PCDHGC3: variants seen among roughly 807,000 people sequenced by gnomAD.
PCDHGC3 encodes the protein protocadherin gamma-C3.
In PCDHGC3, 26 loss-of-function variants were observed where a neutral mutation model predicts 59.2. The ratio of observed to expected loss-of-function variants is 0.44; its 90% CI spans 0.32 to 0.61. The LOEUF (loss-of-function observed/expected upper bound fraction) is 0.61, where lower values mean the gene tolerates loss of function less well. PCDHGC3 is among the 20% of genes least tolerant of loss of function. The probability of loss-of-function intolerance (pLI) is 0.05; values close to 1 mark genes in which losing one functional copy is unlikely to be tolerated. For missense variants in PCDHGC3, 1,080 were observed against 1,221.8 expected (o/e 0.88, Z 1.73); for synonymous variants, 487 against 519.7 (o/e 0.94, Z 0.86).
chr5:141,497,812 T>C (rs947015544), intron 2 of PCDHGC3, among the ~76,000 whole-genome samples: 2 of 152,202 alleles, frequency 1.3e-5, no homozygotes, highest in African/African-American at 4.8e-5. Flanking sequence ...AGTGCTAGAA[T>C]TACAGGTGTG....
chr5:141,487,670 T>A lies in PCDHGC3; in HGVS notation c.2431-7137T>A. The A allele has an allele frequency of 6.2e-7, 1 of 1,612,302 alleles. No homozygotes were observed. Among genetic ancestry groups the A allele is most frequent in the Non-Finnish European group, 8.5e-7 (1 of 1,179,082 alleles). ...TGAGGGTTATTCTGATCCAGGCATA[T>A]GGCTAGGCCATGTCCTAGAGAGTAC... On this transcript the variant is annotated intron_variant, in intron 1 of 3. Transcript: ENST00000308177. This position sits in a 1 kb window ranked among gnomAD's most constrained non-coding sequence, Gnocchi z 5.0.
chr5:141,505,155 C>T (rs2099844224), intron 2 of PCDHGC3, among the ~76,000 whole-genome samples: 1 of 152,162 alleles, frequency 6.6e-6, no homozygotes, highest in Non-Finnish European at 1.5e-5. Context: ...GAGTAAGACC[C>T]TGTCTAAAAC....
At chr5:141,508,029 A>C (rs941166006) in intron 3 of PCDHGC3, 10 of 152,264 alleles carry the variant, frequency 6.6e-5, no homozygotes, top group African/African-American at 2.4e-4. Flanking sequence ...TGCGGTTTGC[A>C]GCTCAGCCAG....
Position 141,478,247 on chromosome 5 carries a change from G to T in PCDHGC3, c.2131G>T (p.Gly711Ter). ...VSVGFVVTVF[G>*]VIIFKVYKWK... is the part of the protein sequence containing the mutation. ...TGTGGGGTTTGTGGTCACAGTGTTC[G>T]GAGTAATCATATTCAAAGTTTACAA... The change falls in exon 1 of 4, where the codon GGA becomes TGA. Residue 711 changes from glycine (G) to a stop codon, truncating the protein, a stop_gained. Transcript: ENST00000308177. LOFTEE classifies it high-confidence loss of function. 6.2e-7 allele frequency: 1 copy of T among 1,614,076 alleles called. No individual in the cohort carries two copies. Among genetic ancestry groups the T allele is most frequent in the Non-Finnish European group, 8.5e-7 (1 of 1,180,010 alleles).
chr5:141,502,470 G>A (rs1017558920), intron 2 of PCDHGC3, among the ~76,000 whole-genome samples: 5 of 150,916 alleles, frequency 3.3e-5, no homozygotes, highest in Admixed American at 2.6e-4. Flanking sequence ...AATACTTCCC[G>A]CAGCATCACA....
intron 1 of PCDHGC3, among the ~76,000 whole-genome samples, chr5:141,480,959 C>A (rs1476891394): frequency 1.3e-5 from 2 of 152,086 alleles, no homozygotes; most frequent in East Asian, 3.8e-4. Flanking sequence ...GCGGAAGCAT[C>A]AGTGAGGGAG....
At chr5:141,480,497 A>G (rs909585240) in intron 1 of PCDHGC3, among the ~76,000 whole-genome samples, 6 of 152,236 alleles carry the variant, frequency 3.9e-5, no homozygotes, top group Non-Finnish European at 8.8e-5. Flanking sequence ...CCTTAGAAAT[A>G]CACATATGAG....
intron 3 of PCDHGC3, 99 bp from the exon 4 acceptor site, chr5:141,510,848 G>A: frequency 6.3e-7 from 1 of 1,596,080 alleles, no homozygotes. Flanking sequence ...TCAAGGCCCA[G>A]GGTGCTGTAT....
intron 1 of PCDHGC3, among the ~76,000 whole-genome samples, chr5:141,492,165 C>T (rs932762928): frequency 1.4e-4 from 22 of 152,210 alleles, no homozygotes; most frequent in African/African-American, 4.8e-4. Context: ...TCCCTATCCC[C>T]GCATCACCCA....
chr5:141,487,633 T>C lies in PCDHGC3; in HGVS notation c.2431-7174T>C. On this transcript the variant is annotated intron_variant, in intron 1 of 3. Transcript: ENST00000308177. The surrounding 1 kb of genome is among the most constrained non-coding windows in gnomAD (Gnocchi z 5.0). ...GGCTAGAGGTGAGACCTTTGCAGGCTCAACAAATGCTTGAGGGTTATTCTG... is the reference window on the plus strand; with the variant it reads ...GGCTAGAGGTGAGACCTTTGCAGGCCCAACAAATGCTTGAGGGTTATTCTG... 3 of 1,614,164 alleles carry C rather than the reference T, an allele frequency of 1.9e-6. No individual in the cohort carries two copies. The highest frequency in any genetic ancestry group is 2.7e-5 in the African/African-American group (2 of 75,052).
At chr5:141,488,565 C>T (rs1308485284) in intron 1 of PCDHGC3, among the ~76,000 whole-genome samples, 1 of 152,174 alleles carries the variant, frequency 6.6e-6, no homozygotes, top group Non-Finnish European at 1.5e-5. Flanking sequence ...GAGATTTCCG[C>T]AAAGCATTGC....
chr5:141,477,794 C>G lies in PCDHGC3; in HGVS notation c.1678C>G (p.Arg560Gly), dbSNP rs148942362. The G allele has an allele frequency of 6.2e-7, 1 of 1,614,086 alleles. No individual in the cohort carries two copies. The highest frequency in any genetic ancestry group is 1.1e-5 in the South Asian group (1 of 91,082). The change falls in exon 1 of 4, where the codon CGC becomes GGC. Residue 560 changes from arginine to glycine, a missense_variant. By Grantham distance (125) the Arg-to-Gly change is moderately radical. Transcript: ENST00000308177. This position sits in a 1 kb window ranked among gnomAD's most constrained non-coding sequence, Gnocchi z 4.9. ...CAGCGTGAACATATTTGTCACTGAT[C>G]GCAATGACAATGCCCCCCAGGTCCT... ...NISVNIFVTD[R>G]NDNAPQVLYP...
rs1449605701 is a variant in PCDHGC3 at position 141,485,191 on chromosome 5, A to C, written c.2430+6645A>C. ...CGGCAGCAATGCTCCGCAAGGTGAG[A>C]AGCTGGACAGAAATCTGGCGGTGGG... is the stretch of plus-strand genomic sequence containing the variant. On this transcript the variant is annotated intron_variant, in intron 1 of 3. Coordinates refer to ENST00000308177, the MANE Select transcript of PCDHGC3 (RefSeq NM_002588.4). This position sits in a 1 kb window ranked among gnomAD's most constrained non-coding sequence, Gnocchi z 5.7. The C allele has an allele frequency of 6.2e-7, 1 of 1,613,836 alleles. No individual in the cohort carries two copies. The highest frequency in any genetic ancestry group is 1.3e-5 in the African/African-American group (1 of 75,042).
intron 1 of PCDHGC3, among the ~76,000 whole-genome samples, chr5:141,483,613 C>A (rs2099583607): frequency 6.6e-6 from 1 of 151,914 alleles, no homozygotes; most frequent in South Asian, 2.1e-4. Context: ...ACACCTCCAT[C>A]ATTCCCATGG....
chr5:141,511,358 G>T lies in PCDHGC3; in HGVS notation c.*185G>T, dbSNP rs905197337. 1.5e-6 allele frequency: 2 copies of T among 1,355,398 alleles called. No homozygotes were observed. Among genetic ancestry groups the T allele is most frequent in the East Asian group, 2.5e-5 (1 of 39,588 alleles). The allele number at this position is 1,355,398 out of a possible 1,614,324, so 84.0% of individuals were successfully genotyped here. ...GCACCTACCCCTTCCCCCCCAGGGGGTTGAATATGCAAAAGCAGTTCCGCT... is the reference window on the plus strand; with the variant it reads ...GCACCTACCCCTTCCCCCCCAGGGGTTTGAATATGCAAAAGCAGTTCCGCT... On this transcript the variant is annotated 3_prime_UTR_variant, in exon 4 of 4. Coordinates refer to ENST00000308177, the MANE Select transcript of PCDHGC3 (RefSeq NM_002588.4).
rs545232987 is a variant in PCDHGC3 at position 141,484,750 on chromosome 5, G to GTA, written c.2430+6218_2430+6219dup. 2.3e-3 allele frequency among the ~76,000 whole-genome samples: 340 copies of GTA among 149,860 alleles called. 1 individual carries two copies. Among genetic ancestry groups the GTA allele is most frequent in the South Asian group, 1.0e-2 (47 of 4,704 alleles). On this transcript the variant is annotated intron_variant, in intron 1 of 3. Coordinates refer to ENST00000308177, the MANE Select transcript of PCDHGC3 (RefSeq NM_002588.4). ...CAGTCGGTGTGTTAGGAAAAAAAAT[G>GTA]TATATATATATATATGTTGTCTGCC...
chr5:141,494,601 A>T (rs1396717178), intron 1 of PCDHGC3, among the ~76,000 whole-genome samples: 1 of 151,892 alleles, frequency 6.6e-6, no homozygotes, highest in East Asian at 1.9e-4. Context: ...ATGAAATGTG[A>T]TTTATCTCTT....
chr5:141,503,164 C>G (rs1262310388), intron 2 of PCDHGC3, among the ~76,000 whole-genome samples: 2 of 152,068 alleles, frequency 1.3e-5, no homozygotes, highest in East Asian at 3.9e-4. Flanking sequence ...ATCACAATTG[C>G]AATTACTCTA....
Position 141,507,461 on chromosome 5 carries a change from G to A in PCDHGC3, c.2578+1980G>A, listed in dbSNP as rs145114393. On this transcript the variant is annotated intron_variant, in intron 3 of 3. Coordinates refer to ENST00000308177, the MANE Select transcript of PCDHGC3 (RefSeq NM_002588.4). ...AGCTGACGGAAGGACAGAGAGAGAG[G>A]TGGCAGGGACTGCTGGCCTCCTGAG... Among the ~76,000 whole-genome samples the A allele has an allele frequency of 3.8e-3, 581 of 152,330 alleles. 5 individuals are homozygous for A. Among genetic ancestry groups the A allele is most frequent in the African/African-American group, 0.012 (485 of 41,570 alleles).
Sources: allele counts gnomAD v4.1 joint callset (sites outside exome capture counted in the v4.1 genomes callset), GRCh38; gene constraint gnomAD v4.1.1; non-coding constraint Gnocchi (gnomAD v3.1); transcripts MANE v1.5; gene names NCBI Gene and HGNC (gene_info 2026-07-23, HGNC 2026-07-21).